NFIB: variants seen among roughly 807,000 people sequenced by gnomAD.
NFIB encodes the protein nuclear factor 1 B-type.
A neutral mutation model predicts 61.5 loss-of-function variants in NFIB; 11 were observed. That is an observed-to-expected ratio of 0.18 (90% CI 0.11 to 0.30). The LOEUF is 0.30. Ranked by LOEUF, NFIB falls within the 10% of genes least tolerant of loss-of-function variation. The probability of loss-of-function intolerance (pLI) is 1.00; values close to 1 mark genes in which losing one functional copy is unlikely to be tolerated. For synonymous variants in NFIB, 260 were observed against 216.5 expected (o/e 1.20, Z -1.76); for missense variants, 471 against 608.9 (o/e 0.77, Z 2.38).
chr9:14,196,434 T>C (rs188416590), intron 2 of NFIB, among the ~76,000 whole-genome samples: 21 of 152,220 alleles, frequency 1.4e-4, no homozygotes. Context: ...CAGCTTCTAG[T>C]TTGCGGAAGG....
intron 2 of NFIB, among the ~76,000 whole-genome samples, chr9:14,280,867 G>A (rs774527750): frequency 6.6e-6 from 1 of 152,056 alleles, no homozygotes; most frequent in African/African-American, 2.4e-5. Flanking sequence ...GGAAGACTAG[G>A]ATTCTTTTAT....
At chr9:14,135,407 T>A (rs2040929979) in intron 6 of NFIB, among the ~76,000 whole-genome samples, 1 of 152,204 alleles carries the variant, frequency 6.6e-6, no homozygotes, top group Non-Finnish European at 1.5e-5. Context: ...CATTTGCAAT[T>A]TAGTTGGCTA....
At chr9:14,189,384 T>C (rs1274833705) in intron 2 of NFIB, among the ~76,000 whole-genome samples, 1 of 152,200 alleles carries the variant, frequency 6.6e-6, no homozygotes, top group Non-Finnish European at 1.5e-5. Context: ...AGCAAACCAT[T>C]TCACGCACGA....
intron 9 of NFIB, among the ~76,000 whole-genome samples, chr9:14,113,462 T>A (rs947767902): frequency 4.6e-5 from 7 of 152,182 alleles, no homozygotes; most frequent in Admixed American, 1.3e-4. Flanking sequence ...TGATGGTATA[T>A]GATTCTAAAT....
At chr9:14,528,780 A>G in the NFIB span, among the ~76,000 whole-genome samples, 48 of 152,298 alleles carry the variant, frequency 3.2e-4, no homozygotes, top group African/African-American at 1.1e-3. Flanking sequence ...AATAGAATGG[A>G]AAGTCCAAAA....
At chr9:14,149,686 G>C (rs2042646160) in intron 5 of NFIB, among the ~76,000 whole-genome samples, 1 of 152,062 alleles carries the variant, frequency 6.6e-6, no homozygotes, top group African/African-American at 2.4e-5. Context: ...TGAAGAACTT[G>C]GCAAACTGTG....
intron 2 of NFIB, among the ~76,000 whole-genome samples, chr9:14,253,956 T>C (rs1323919689): frequency 6.6e-6 from 1 of 152,150 alleles, no homozygotes; most frequent in Non-Finnish European, 1.5e-5. Flanking sequence ...TCCCCTGGTC[T>C]AAATGCCTCC....
At chr9:14,490,244 C>A in the NFIB span, among the ~76,000 whole-genome samples, 3,123 of 152,048 alleles carry the variant, frequency 0.021, 126 homozygotes, top group African/African-American at 0.072. Flanking sequence ...ATTGATAGAG[C>A]AAGGAGGAAC....
intron 2 of NFIB, among the ~76,000 whole-genome samples, chr9:14,221,607 G>A (rs1442294540): frequency 6.6e-6 from 1 of 152,092 alleles, no homozygotes; most frequent in African/African-American, 2.4e-5. Context: ...GCACAGAGCT[G>A]GTCCTGTCTT....
chr9:14,091,309 ATATATT>A lies in NFIB; in HGVS notation c.1468-2989_1468-2984del, dbSNP rs1385080852. ...ATGACTGAGATAACAATGTAAATAA[ATATATT>A]TAATTAAAGTAATACAGATTATTTA... On this transcript the variant is annotated intron_variant, in intron 10 of 10. Transcript: ENST00000380953. Among the ~76,000 whole-genome samples the A allele has an allele frequency of 2.6e-5, 4 of 152,150 alleles. No homozygotes were observed. The East Asian group carries it at 7.7e-4, about 29-fold the overall frequency.
intron 10 of NFIB, among the ~76,000 whole-genome samples, chr9:14,093,616 G>C (rs978414506): frequency 1.3e-5 from 2 of 152,050 alleles, no homozygotes; most frequent in African/African-American, 2.4e-5. Context: ...AAGATGGAAA[G>C]GTTTTTACTT....
intron 6 of NFIB, among the ~76,000 whole-genome samples, chr9:14,138,927 T>G (rs1315235360): frequency 6.6e-6 from 1 of 152,044 alleles, no homozygotes; most frequent in Non-Finnish European, 1.5e-5. Flanking sequence ...TATGTAAAAT[T>G]TTACCATCTC....
chr9:14,500,765 T>C, the NFIB span, among the ~76,000 whole-genome samples: 1 of 152,178 alleles, frequency 6.6e-6, no homozygotes, highest in Admixed American at 6.5e-5. Flanking sequence ...GAGGAGAATA[T>C]TCGTCTTTGT....
chr9:14,271,547 C>A (rs939704412), intron 2 of NFIB, among the ~76,000 whole-genome samples: 3 of 151,886 alleles, frequency 2.0e-5, no homozygotes, highest in Non-Finnish European at 4.4e-5. Context: ...GTATTAGGAC[C>A]GGGAAAAAAA....
Position 14,107,596 on chromosome 9 carries a change from T to C in NFIB, c.1467+5403A>G, listed in dbSNP as rs556285940. ...TCAAGGGACTTTGGAGCTTATGTAG[T>C]TCAACCTCTTCATTTTCCTTTCCAA... On this transcript the variant is annotated intron_variant, in intron 10 of 10. Coordinates refer to ENST00000380953, the MANE Select transcript of NFIB (RefSeq NM_001190737.2). Among the ~76,000 whole-genome samples, 4 of 152,206 alleles carry C rather than the reference T, an allele frequency of 2.6e-5. No individual in the cohort carries two copies. The East Asian group carries it at 7.7e-4, about 29-fold the overall frequency.
chr9:14,244,492 G>A (rs1489794216), intron 2 of NFIB, among the ~76,000 whole-genome samples: 3 of 152,118 alleles, frequency 2.0e-5, no homozygotes, highest in Non-Finnish European at 4.4e-5. Context: ...CATTTCTTCT[G>A]AGCTAATGGG....
chr9:14,456,267 A>G, the NFIB span, among the ~76,000 whole-genome samples: 1 of 152,050 alleles, frequency 6.6e-6, no homozygotes, highest in South Asian at 2.1e-4. Flanking sequence ...TTTTAAAAAC[A>G]TTCTTATGTT....
chr9:14,264,934 G>A (rs1051845229), intron 2 of NFIB, among the ~76,000 whole-genome samples: 11 of 152,070 alleles, frequency 7.2e-5, no homozygotes, highest in South Asian at 2.1e-4. Flanking sequence ...CCTGACACCC[G>A]TCTACTCATG....
intron 2 of NFIB, among the ~76,000 whole-genome samples, chr9:14,241,366 A>C (rs1465678970): frequency 2.0e-5 from 3 of 152,212 alleles, no homozygotes; most frequent in Non-Finnish European, 4.4e-5. Flanking sequence ...AGCAGTTCAT[A>C]ATACATAAGT....
Sources: allele counts gnomAD v4.1 joint callset (sites outside exome capture counted in the v4.1 genomes callset), GRCh38; gene constraint gnomAD v4.1.1; transcripts MANE v1.5; gene names NCBI Gene and HGNC (gene_info 2026-07-23, HGNC 2026-07-21).